The following TEK variants were observed in gnomAD, a reference collection of about 807,000 sequenced individuals.
TEK encodes the protein TEK receptor tyrosine kinase.
Under a neutral mutation model 131.8 loss-of-function variants are expected in TEK, and 43 were observed. That is an observed-to-expected ratio of 0.33 (90% CI 0.26 to 0.42). The LOEUF (loss-of-function observed/expected upper bound fraction) is 0.42. Among genes scored for constraint, TEK ranks in the 10% least tolerant of loss-of-function variants. TEK has a pLI of 1.00. For missense variants in TEK, 1,162 were observed against 1,384.4 expected, an observed-to-expected ratio of 0.84 and a Z score of 2.55; for synonymous variants, 580 against 491.6, an observed-to-expected ratio of 1.18 and a Z score of -2.38.
rs753621515 is a variant in TEK at position 27,197,556 on chromosome 9, G to C, written c.1866G>C (p.Gln622His). The change falls in exon 12 of 23, where the codon CAG becomes CAC. Residue 622 changes from glutamine to histidine, a missense_variant. Gln to His is a conservative substitution (Grantham distance 24). Around this residue, in one of 6 missense-constraint regions of TEK, gnomAD observed 477 missense variants for 471.0 expected, o/e 1.01. Transcript: ENST00000380036. ...VVRARVNTKAQGEWSEDLTAW... is the reference protein window; with the variant it reads ...VVRARVNTKAHGEWSEDLTAW... ...GAGCTAGAGTCAACACCAAGGCCCAGGGGGAATGGAGTGAAGATCTCACTG... is the reference window on the plus strand; with the variant it reads ...GAGCTAGAGTCAACACCAAGGCCCACGGGGAATGGAGTGAAGATCTCACTG... 5.0e-6 allele frequency: 8 copies of C among 1,614,072 alleles called. No individual in the cohort carries two copies. The highest frequency in any genetic ancestry group is 6.8e-6 in the Non-Finnish European group (8 of 1,179,992).
chr9:27,148,349 G>T (rs1823000708), intron 1 of TEK, among the ~76,000 whole-genome samples: 1 of 152,218 alleles, frequency 6.6e-6, no homozygotes, highest in Non-Finnish European at 1.5e-5. Context: ...CACATGTTGT[G>T]AGTATATCAG....
At chr9:27,165,922 A>G (rs937393359) in intron 2 of TEK, among the ~76,000 whole-genome samples, 1 of 152,234 alleles carries the variant, frequency 6.6e-6, no homozygotes, top group Non-Finnish European at 1.5e-5. Context: ...AAGCAGGCAA[A>G]CCTAAAGCCC....
chr9:27,152,756 T>C (rs141132969), intron 1 of TEK, among the ~76,000 whole-genome samples: 136 of 152,274 alleles, frequency 8.9e-4, no homozygotes, highest in Middle Eastern at 3.4e-3. Context: ...TTAAACACAG[T>C]TTAACATGGC....
chr9:27,132,911 CT>C (rs1374135979), intron 1 of TEK, among the ~76,000 whole-genome samples: 3 of 152,200 alleles, frequency 2.0e-5, no homozygotes, highest in South Asian at 2.1e-4. Flanking sequence ...ACAGGTTTGG[CT>C]GTTTGGTTTA....
chr9:27,122,626 G>A (rs927112049), intron 1 of TEK, among the ~76,000 whole-genome samples: 4 of 152,028 alleles, frequency 2.6e-5, no homozygotes, highest in African/African-American at 7.2e-5. Context: ...GTAGTGAGAC[G>A]TGTCTGGAGA....
chr9:27,110,602 A>G (rs1821301370), intron 1 of TEK, among the ~76,000 whole-genome samples: 1 of 152,208 alleles, frequency 6.6e-6, no homozygotes, highest in South Asian at 2.1e-4. Context: ...ACTAAACTTC[A>G]TGGATATAGG....
At chr9:27,161,087 C>T (rs1212019756) in intron 2 of TEK, among the ~76,000 whole-genome samples, 1 of 152,156 alleles carries the variant, frequency 6.6e-6, no homozygotes, top group Non-Finnish European at 1.5e-5. Flanking sequence ...TAAATAAGAA[C>T]ATGTAAAGCA....
intron 6 of TEK, among the ~76,000 whole-genome samples, chr9:27,173,880 T>C (rs952140971): frequency 7.3e-5 from 11 of 151,106 alleles, no homozygotes; most frequent in Non-Finnish European, 1.5e-5. Flanking sequence ...CAGTGAGCTA[T>C]GATTGCACCA....
intron 1 of TEK, among the ~76,000 whole-genome samples, chr9:27,133,376 C>T (rs1822294051): frequency 6.6e-6 from 1 of 152,210 alleles, no homozygotes; most frequent in African/African-American, 2.4e-5. Context: ...ACTTCTGAGT[C>T]TGTCTTTTGC....
At chr9:27,218,538 G>GTAGTCTCTAGTTA (rs1825917116) in intron 19 of TEK, among the ~76,000 whole-genome samples, 1 of 152,060 alleles carries the variant, frequency 6.6e-6, no homozygotes, top group South Asian at 2.1e-4. Context: ...GTACCACCTT[G>GTAGTCTCTAGTTA]TAGTCTCTAG....
intron 1 of TEK, among the ~76,000 whole-genome samples, chr9:27,132,683 G>A (rs1822271260): frequency 6.6e-6 from 1 of 152,156 alleles, no homozygotes; most frequent in South Asian, 2.1e-4. Context: ...TGGCATTTGT[G>A]TGCTTTAGCT....
intron 21 of TEK, among the ~76,000 whole-genome samples, chr9:27,222,327 G>T (rs1826118770): frequency 6.6e-6 from 1 of 152,156 alleles, no homozygotes; most frequent in Non-Finnish European, 1.5e-5. Flanking sequence ...AACCTAGCAA[G>T]ACAGGCCAAC....
At chr9:27,225,540 C>G (rs1012124859) in intron 21 of TEK, among the ~76,000 whole-genome samples, 1 of 152,086 alleles carries the variant, frequency 6.6e-6, no homozygotes, top group Non-Finnish European at 1.5e-5. Context: ...TAGCCATATG[C>G]AGAAAACTGA....
intron 11 of TEK, among the ~76,000 whole-genome samples, chr9:27,195,964 C>T (rs751223332): frequency 1.4e-4 from 21 of 152,176 alleles, no homozygotes; most frequent in Non-Finnish European, 2.4e-4. Context: ...CCAGGCATCA[C>T]GTAGTCATAG....
intron 15 of TEK, among the ~76,000 whole-genome samples, 178 bp downstream of exon 15, chr9:27,206,970 A>G (rs971566099): frequency 6.6e-6 from 1 of 152,242 alleles, no homozygotes; most frequent in Non-Finnish European, 1.5e-5. Flanking sequence ...CAGGATATCA[A>G]TACAAAGGCA....
At chr9:27,220,366 G>A (rs1008011646) in intron 21 of TEK, among the ~76,000 whole-genome samples, 1 of 152,208 alleles carries the variant, frequency 6.6e-6, no homozygotes, top group Non-Finnish European at 1.5e-5. Context: ...GGAATTTAAT[G>A]ACTCTTGGGA....
intron 9 of TEK, among the ~76,000 whole-genome samples, chr9:27,188,966 C>A (rs1183315013): frequency 6.6e-6 from 1 of 152,050 alleles, no homozygotes; most frequent in Non-Finnish European, 1.5e-5. Flanking sequence ...GGTAATCAAG[C>A]CTTCCTGAGA....
intron 1 of TEK, 115 bp from the exon 2 acceptor site, chr9:27,157,716 C>T (rs931350336): frequency 1.6e-6 from 2 of 1,252,848 alleles, no homozygotes; most frequent in East Asian, 2.3e-5. Flanking sequence ...GTCAGAATAG[C>T]ATTTTAGAAA....
chr9:27,143,994 G>A (rs1822822888), intron 1 of TEK, among the ~76,000 whole-genome samples: 1 of 152,094 alleles, frequency 6.6e-6, no homozygotes, highest in African/African-American at 2.4e-5. Flanking sequence ...ATGAAAAACT[G>A]GAAAAGAGGT....
Sources: gnomAD v4.1 joint callset for allele counts (sites outside exome capture counted in the v4.1 genomes callset) on GRCh38, gnomAD v4.1.1 for gene constraint, gnomAD v4.1.1 regional missense constraint, MANE v1.5 for transcripts, NCBI Gene and HGNC (gene_info 2026-07-23, HGNC 2026-07-21) for gene names.